Variants in SEMA3E observed in about 807,000 individuals in gnomAD.
SEMA3E encodes the protein semaphorin 3E.
SEMA3E carries 49 observed loss-of-function variants against 93.6 expected under a neutral mutation model. That is an observed-to-expected ratio of 0.52 (90% CI 0.42 to 0.66). The LOEUF (loss-of-function observed/expected upper bound fraction) is 0.66, where lower values mean the gene tolerates loss of function less well. Among genes scored for constraint, SEMA3E ranks in the 30% least tolerant of loss-of-function variants. The probability of loss-of-function intolerance (pLI) is 0.00; values close to 1 mark genes in which losing one functional copy is unlikely to be tolerated. For synonymous variants in SEMA3E, 363 were observed against 330.7 expected (o/e 1.10, Z -1.06); for missense variants, 906 against 964.8 (o/e 0.94, Z 0.81).
chr7:83,591,418 G>A (rs1792755584), intron 1 of SEMA3E, among the ~76,000 whole-genome samples: 1 of 151,070 alleles, frequency 6.6e-6, no homozygotes, highest in South Asian at 2.1e-4. Flanking sequence ...TGAATAAAAG[G>A]TAACATAAAA....
intron 1 of SEMA3E, among the ~76,000 whole-genome samples, chr7:83,646,153 T>C (rs1301170724): frequency 6.6e-6 from 1 of 152,096 alleles, no homozygotes; most frequent in African/African-American, 2.4e-5. Flanking sequence ...GCCTCTTATA[T>C]TGAAAGATTA....
chr7:83,429,381 C>T (rs921027415), intron 4 of SEMA3E, among the ~76,000 whole-genome samples: 2 of 152,116 alleles, frequency 1.3e-5, no homozygotes, highest in African/African-American at 4.8e-5. Flanking sequence ...AACTTTATGC[C>T]AATATTACAA....
chr7:83,583,013 A>G (rs1393229378), intron 1 of SEMA3E, among the ~76,000 whole-genome samples: 8 of 152,222 alleles, frequency 5.3e-5, no homozygotes, highest in Admixed American at 5.2e-4. Context: ...TTATTATAGT[A>G]ACATTACTTT....
At position 83,392,745 on chromosome 7, in the gene SEMA3E, C is replaced by T. The variant is rs1441649902; in HGVS notation, c.1501-24G>A. On this transcript the variant is annotated intron_variant, in intron 13 of 16. Transcript: ENST00000643230. ...TGCTACAGAAATCAGAAAGAGGTCA[C>T]TAGCAGAAATGGACAAAACTTTCAC... The T allele has an allele frequency of 5.0e-6, 8 of 1,612,252 alleles. No individual in the cohort carries two copies. The Admixed American group carries it at 6.7e-5, about 13-fold the overall frequency.
rs1451039168 is a variant in SEMA3E, at chr7:83,364,032, C to T, written c.*3554G>A. The T allele has an allele frequency of 1.3e-5, 2 of 150,658 alleles. No individual in the cohort carries two copies. The highest frequency in any genetic ancestry group is 1.5e-5 in the Non-Finnish European group (1 of 67,604). The allele number at this position is 150,658 out of a possible 1,614,324, so 9.3% of individuals were successfully genotyped here. Reference sequence around the variant, plus strand: ...GCCTCAGCCTCCCAAGTAGCTGGGACTACAGGCGCCCGCCACCGCGCCCGG... The same window carrying T: ...GCCTCAGCCTCCCAAGTAGCTGGGATTACAGGCGCCCGCCACCGCGCCCGG... On this transcript the variant is annotated 3_prime_UTR_variant, in exon 17 of 17. Coordinates refer to ENST00000643230, the MANE Select transcript of SEMA3E (RefSeq NM_012431.3).
At chr7:83,516,961 A>T (rs1243609639) in intron 1 of SEMA3E, among the ~76,000 whole-genome samples, 1 of 150,034 alleles carries the variant, frequency 6.7e-6, no homozygotes, top group South Asian at 2.1e-4. Flanking sequence ...ATATATATGT[A>T]TATAAAATAT....
chr7:83,520,506 A>G (rs189963213), intron 1 of SEMA3E, among the ~76,000 whole-genome samples: 80 of 152,214 alleles, frequency 5.3e-4, no homozygotes, highest in African/African-American at 1.7e-3. Context: ...AAATTGAACA[A>G]AAAGAGAAGT....
At chr7:83,600,504 TTTTTTTTTTTTTTTTTG>T (rs1252829015) in intron 1 of SEMA3E, among the ~76,000 whole-genome samples, 1 of 130,314 alleles carries the variant, frequency 7.7e-6, no homozygotes, top group African/African-American at 2.9e-5. Flanking sequence ...TTTTTTTTTT[TTTTTTTTTTTTTTTTTG>T]TATTTTTAGT....
intron 16 of SEMA3E, among the ~76,000 whole-genome samples, chr7:83,384,171 A>C: frequency 6.6e-6 from 1 of 152,056 alleles, no homozygotes; most frequent in East Asian, 1.9e-4. Flanking sequence ...AATGTACTGT[A>C]TGATTTTGAT....
chr7:83,617,659 T>C (rs918337640), intron 1 of SEMA3E, among the ~76,000 whole-genome samples: 3 of 141,900 alleles, frequency 2.1e-5, no homozygotes, highest in Admixed American at 7.3e-5. Context: ...TATTAATTAA[T>C]AAATTATTAT....
chr7:83,573,871 C>T (rs529126820), intron 1 of SEMA3E, among the ~76,000 whole-genome samples: 1 of 151,758 alleles, frequency 6.6e-6, no homozygotes, highest in Non-Finnish European at 1.5e-5. Context: ...ATACTATTTT[C>T]TTTAGCATTT....
intron 1 of SEMA3E, among the ~76,000 whole-genome samples, chr7:83,561,485 A>G (rs373885509): frequency 2.0e-5 from 3 of 152,124 alleles, no homozygotes; most frequent in Non-Finnish European, 2.9e-5. Context: ...CCTAATCCCT[A>G]ATCATATTCT....
chr7:83,592,915 A>G (rs1008046667), intron 1 of SEMA3E, among the ~76,000 whole-genome samples: 1 of 152,092 alleles, frequency 6.6e-6, no homozygotes, highest in African/African-American at 2.4e-5. Flanking sequence ...CAGGCTGCTA[A>G]GGTAGTTTGT....
At chr7:83,521,415 C>T (rs1584305862) in intron 1 of SEMA3E, among the ~76,000 whole-genome samples, 1 of 152,060 alleles carries the variant, frequency 6.6e-6, no homozygotes, top group East Asian at 1.9e-4. Context: ...TGTTCATTAG[C>T]TAGGGCATAG....
At chr7:83,476,169 G>T (rs753680393) in intron 2 of SEMA3E, among the ~76,000 whole-genome samples, 2 of 152,136 alleles carry the variant, frequency 1.3e-5, no homozygotes, top group African/African-American at 2.4e-5. Context: ...CCATTGATTG[G>T]CTTGTATCAG....
chr7:83,606,087 A>C (rs1311855241), intron 1 of SEMA3E, among the ~76,000 whole-genome samples: 3 of 152,200 alleles, frequency 2.0e-5, no homozygotes, highest in Non-Finnish European at 4.4e-5. Flanking sequence ...AGCAGCAATC[A>C]TTACATGTTT....
At chr7:83,533,130 C>G (rs962256284) in intron 1 of SEMA3E, among the ~76,000 whole-genome samples, 1 of 152,162 alleles carries the variant, frequency 6.6e-6, no homozygotes, top group African/African-American at 2.4e-5. Flanking sequence ...ACCTGTACAA[C>G]TGACATTACC....
intron 4 of SEMA3E, among the ~76,000 whole-genome samples, chr7:83,460,610 G>A (rs192502257): frequency 0.01 from 342 of 33,034 alleles, 2 homozygotes; most frequent in East Asian, 0.027. Flanking sequence ...TTCTCTCCTT[G>A]TCTCTACCCC....
intron 4 of SEMA3E, among the ~76,000 whole-genome samples, chr7:83,431,486 A>G (rs1788882884): frequency 6.6e-6 from 1 of 151,866 alleles, no homozygotes; most frequent in African/African-American, 2.4e-5. Flanking sequence ...GCTTACTACA[A>G]CCTCCCCCTC....
Sources: allele counts gnomAD v4.1 joint callset (sites outside exome capture counted in the v4.1 genomes callset), GRCh38; gene constraint gnomAD v4.1.1; transcripts MANE v1.5; gene names NCBI Gene and HGNC (gene_info 2026-07-23, HGNC 2026-07-21).